VPS41: variants seen among roughly 807,000 people sequenced by gnomAD.
VPS41 encodes vacuolar protein sorting-associated protein 41 homolog.
VPS41 carries 85 observed loss-of-function variants against 130.9 expected under a neutral mutation model. That is an observed-to-expected ratio of 0.65 (90% CI 0.55 to 0.78). VPS41 has a LOEUF of 0.78. VPS41 is among the 30% of genes least tolerant of loss of function. The pLI, the probability that VPS41 is intolerant of heterozygous loss-of-function variation, is 0.00. For missense variants in VPS41, 874 were observed against 1,018.7 expected (o/e 0.86, Z 1.93); for synonymous variants, 335 against 332.9 (o/e 1.01, Z -0.07).
At chr7:38,728,486 A>G (rs1459064261) in intron 27 of VPS41, 56 bp downstream of exon 27, 3 of 1,598,072 alleles carry the variant, frequency 1.9e-6, no homozygotes, top group Non-Finnish European at 1.7e-6. Flanking sequence ...CAAAATTTTG[A>G]TTCCACTCAT....
intron 22 of VPS41, among the ~76,000 whole-genome samples, chr7:38,746,485 G>A (rs183197884): frequency 3.9e-5 from 6 of 152,102 alleles, no homozygotes; most frequent in African/African-American, 1.2e-4. Context: ...GTCCACCCCC[G>A]GGAGCTCAGG....
At chr7:38,891,719 T>A (rs1003541899) in intron 2 of VPS41, among the ~76,000 whole-genome samples, 2 of 152,194 alleles carry the variant, frequency 1.3e-5, no homozygotes, top group African/African-American at 4.8e-5. Context: ...TATGAATATT[T>A]TCTTTACTTA....
intron 2 of VPS41, among the ~76,000 whole-genome samples, chr7:38,895,244 C>T (rs1181544818): frequency 6.6e-6 from 1 of 152,068 alleles, no homozygotes; most frequent in Non-Finnish European, 1.5e-5. Context: ...ATCGCTTGAA[C>T]CTGGGAGGTG....
At chr7:38,884,078 T>C (rs1021225939) in intron 2 of VPS41, among the ~76,000 whole-genome samples, 34 of 152,342 alleles carry the variant, frequency 2.2e-4, no homozygotes, top group African/African-American at 7.2e-4. Context: ...AATCTGTTTA[T>C]TAAAATTAAT....
chr7:38,747,931 A>G (rs973287827), intron 22 of VPS41, among the ~76,000 whole-genome samples: 2 of 152,252 alleles, frequency 1.3e-5, no homozygotes, highest in African/African-American at 4.8e-5. Context: ...GTTAGGAATG[A>G]CACGGAATGT....
At chr7:38,804,430 G>T (rs1053293245) in intron 7 of VPS41, among the ~76,000 whole-genome samples, 7 of 152,242 alleles carry the variant, frequency 4.6e-5, no homozygotes, top group African/African-American at 1.7e-4. Context: ...GAGAACATGT[G>T]GTATTTGGTT....
At chr7:38,884,583 G>C (rs985520137) in intron 2 of VPS41, among the ~76,000 whole-genome samples, 1 of 152,016 alleles carries the variant, frequency 6.6e-6, no homozygotes, top group African/African-American at 2.4e-5. Context: ...TTGAACTCGT[G>C]ACCTCAAGCA....
intron 7 of VPS41, among the ~76,000 whole-genome samples, chr7:38,814,787 T>C (rs893757754): frequency 1.3e-5 from 2 of 152,194 alleles, no homozygotes; most frequent in Admixed American, 6.5e-5. Flanking sequence ...CTTCAAGAAA[T>C]AGGGGACAAC....
intron 4 of VPS41, among the ~76,000 whole-genome samples, chr7:38,854,374 AG>A (rs2116277675): frequency 6.6e-6 from 1 of 152,330 alleles, no homozygotes; most frequent in African/African-American, 2.4e-5. Context: ...AGAGTAGAGC[AG>A]GGTTCTTTGT....
intron 28 of VPS41, among the ~76,000 whole-genome samples, 165 bp from the exon 29 acceptor site, chr7:38,726,491 T>G: frequency 6.6e-6 from 1 of 152,166 alleles, no homozygotes; most frequent in Non-Finnish European, 1.5e-5. Context: ...TTAGTCTAGA[T>G]CAGCTGTTAC....
intron 16 of VPS41, among the ~76,000 whole-genome samples, chr7:38,764,284 T>C (rs533665226): frequency 2.3e-4 from 35 of 152,258 alleles, no homozygotes; most frequent in Admixed American, 5.9e-4. Flanking sequence ...GCAGGACATC[T>C]GGCAGGGGGA....
At chr7:38,816,840 G>A (rs111745425) in intron 7 of VPS41, among the ~76,000 whole-genome samples, 3,697 of 152,204 alleles carry the variant, frequency 0.024, 159 homozygotes, top group African/African-American at 0.083. Context: ...CAAACTCCTA[G>A]GTTCAAGTGA....
At chr7:38,887,673 A>C (rs7780490) in intron 2 of VPS41, among the ~76,000 whole-genome samples, 43,971 of 151,938 alleles carry the variant, frequency 0.29, 7,308 homozygotes, top group South Asian at 0.46. Context: ...CAGGAAATAC[A>C]GAGAACACCA....
chr7:38,886,665 G>A (rs1224650083), intron 2 of VPS41, among the ~76,000 whole-genome samples: 1 of 152,238 alleles, frequency 6.6e-6, no homozygotes, highest in East Asian at 1.9e-4. Context: ...GAAGGGAGCA[G>A]TGGTTCTCCC....
At chr7:38,769,327 T>C (rs1308098797) in intron 14 of VPS41, among the ~76,000 whole-genome samples, 1 of 152,148 alleles carries the variant, frequency 6.6e-6, no homozygotes, top group Non-Finnish European at 1.5e-5. Flanking sequence ...CTAAAATGTA[T>C]GAAAATATAA....
chr7:38,835,801 A>G (rs1785478995), intron 4 of VPS41, among the ~76,000 whole-genome samples: 1 of 151,782 alleles, frequency 6.6e-6, no homozygotes, highest in Admixed American at 6.6e-5. Flanking sequence ...TTTATCCTTG[A>G]ATTTCAAATG....
chr7:38,855,305 G>A (rs951306509), intron 4 of VPS41, among the ~76,000 whole-genome samples: 1 of 151,266 alleles, frequency 6.6e-6, no homozygotes, highest in Non-Finnish European at 1.5e-5. Context: ...TACTGTCAAA[G>A]AGAGAGGAGA....
chr7:38,732,363 GACAA>G (rs976294152), intron 25 of VPS41, among the ~76,000 whole-genome samples: 2 of 152,128 alleles, frequency 1.3e-5, no homozygotes, highest in Admixed American at 1.3e-4. Context: ...TCAAGTAAAT[GACAA>G]ACAGTTTTCC....
rs781516813 is a variant in VPS41, at chr7:38,742,037, A to C, written c.2207T>G (p.Ile736Ser). ...AACCAAGGAATCTCTCAAATTGGGG[A>C]TCTCCATTCCTTCCTTAATACGGTG... ...LIHRIKEGME[I>S]PNLRDSLVKI... Residue 736 changes from isoleucine to serine, a missense_variant, in exon 25 of 29, where the codon ATC becomes AGC. Transcript: ENST00000310301. 7 of 1,613,300 alleles carry C rather than the reference A, an allele frequency of 4.3e-6. No homozygotes were observed. The highest frequency in any genetic ancestry group is 3.3e-5 in the Admixed American group (2 of 59,924).
Sources: gnomAD v4.1 joint callset for allele counts (sites outside exome capture counted in the v4.1 genomes callset) on GRCh38, gnomAD v4.1.1 for gene constraint, MANE v1.5 for transcripts, NCBI Gene and HGNC (gene_info 2026-07-23, HGNC 2026-07-21) for gene names.